PTP4A1: variants seen among roughly 807,000 people sequenced by gnomAD.
PTP4A1 encodes protein tyrosine phosphatase 4A1.
A neutral mutation model predicts 20.5 loss-of-function variants in PTP4A1; 9 were observed. The ratio of observed to expected loss-of-function variants is 0.44; its 90% CI spans 0.26 to 0.77. The LOEUF is 0.77. Among genes scored for constraint, PTP4A1 ranks in the 30% least tolerant of loss-of-function variants. The probability of loss-of-function intolerance (pLI) is 0.19; values close to 1 mark genes in which losing one functional copy is unlikely to be tolerated. For synonymous variants in PTP4A1, 78 were observed against 67.4 expected (o/e 1.16, Z -0.77); for missense variants, 137 against 218.8 (o/e 0.63, Z 2.36).
chr6:63,578,603 A>G lies in PTP4A1; in HGVS notation c.198+74A>G, dbSNP rs531058869. On this transcript the variant is annotated intron_variant, in intron 3 of 5. Transcript: ENST00000626021. Reference sequence around the variant, plus strand: ...TTTATTCAAATAGTAAATTCAAATAAATATCTATTTAAGTCATAAATAGAC... The same window carrying G: ...TTTATTCAAATAGTAAATTCAAATAGATATCTATTTAAGTCATAAATAGAC... 8.6e-5 allele frequency: 132 copies of G among 1,530,332 alleles called. 1 individual carries two copies. The African/African-American group carries it at 1.5e-3, about 17-fold the overall frequency. 94.8% of individuals were successfully genotyped at this position (1,530,332 alleles called of 1,614,324 possible).
At chr6:63,552,562 G>T (rs2149490971) in intron 3 of PTP4A1, among the ~76,000 whole-genome samples, 1 of 152,198 alleles carries the variant, frequency 6.6e-6, no homozygotes, top group Non-Finnish European at 1.5e-5. Flanking sequence ...GTTAATTTTG[G>T]CTTTTGTTGC....
chr6:63,582,182 C>G lies in PTP4A1; in HGVS notation c.*2008C>G, dbSNP rs1778280109. On this transcript the variant is annotated 3_prime_UTR_variant, in exon 6 of 6. Transcript: ENST00000626021. ...CACAAATTTTTGGCTAATTTTTAAC[C>G]TGAGGTTTTGTTTTTTTTTTAAAGG... 1 of 151,510 alleles carries G rather than the reference C, an allele frequency of 6.6e-6. No individual in the cohort carries two copies. The highest frequency in any genetic ancestry group is 6.6e-5 in the Admixed American group (1 of 15,218). The allele number at this position is 151,510 out of a possible 1,614,324, so 9.4% of individuals were successfully genotyped here. A position where few individuals can be genotyped will look rare whatever the true frequency, so the allele number is the denominator to read the frequency against.
intron 1 of PTP4A1, among the ~76,000 whole-genome samples, chr6:63,572,977 C>T (rs1477408370): frequency 1.3e-5 from 2 of 152,108 alleles, no homozygotes; most frequent in Admixed American, 6.5e-5. Flanking sequence ...TTGAGTCCCT[C>T]CCGAGCCCGG....
At position 63,565,614 on chromosome 6, in the gene PTP4A1, C is replaced by G. The variant is rs139689318; in HGVS notation, c.-445-10822C>G. Among the ~76,000 whole-genome samples the G allele has an allele frequency of 5.3e-3, 811 of 152,242 alleles. 3 individuals are homozygous for G. Among genetic ancestry groups the G allele is most frequent in the Middle Eastern group, 0.01 (3 of 294 alleles). Reference sequence around the variant, plus strand: ...TACCCTCCTAGGTGGGTGACTGTTTCTATATGTCTGACTCAACAAAACACA... The same window carrying G: ...TACCCTCCTAGGTGGGTGACTGTTTGTATATGTCTGACTCAACAAAACACA... On this transcript the variant is annotated intron_variant, in intron 3 of 3. Coordinates refer to the PTP4A1 transcript ENST00000639568.
At chr6:63,519,285 T>A (rs1385294244), upstream of PTP4A1, among the ~76,000 whole-genome samples, 1 of 151,704 alleles carries the variant, frequency 6.6e-6, no homozygotes, top group Non-Finnish European at 1.5e-5. Flanking sequence ...CCAGCCTGGG[T>A]GACAAAGGCG....
intron 1 of PTP4A1, among the ~76,000 whole-genome samples, chr6:63,527,284 A>G (rs1775230144): frequency 6.6e-6 from 1 of 152,170 alleles, no homozygotes; most frequent in African/African-American, 2.4e-5. Context: ...TCTATGTTCA[A>G]TCTTTCCTCC....
chr6:63,552,903 C>T (rs531649010), intron 3 of PTP4A1, among the ~76,000 whole-genome samples: 51 of 152,226 alleles, frequency 3.4e-4, no homozygotes, highest in Admixed American at 1.6e-3. Flanking sequence ...GTACCAGTAC[C>T]GTGCTGTTTT....
intron 2 of PTP4A1, among the ~76,000 whole-genome samples, chr6:63,547,550 G>A (rs1275641461): frequency 6.6e-5 from 9 of 136,358 alleles, no homozygotes; most frequent in Admixed American, 1.6e-4. Flanking sequence ...CTGTCGCCCA[G>A]GCTGGAGTGC....
At chr6:63,556,102 T>G (rs1776675424) in intron 3 of PTP4A1, among the ~76,000 whole-genome samples, 1 of 152,196 alleles carries the variant, frequency 6.6e-6, no homozygotes, top group Admixed American at 6.5e-5. Context: ...AGTTCACATT[T>G]TGCAAATCTA....
At chr6:63,557,520 C>T (rs1477813487) in intron 3 of PTP4A1, among the ~76,000 whole-genome samples, 3 of 152,080 alleles carry the variant, frequency 2.0e-5, no homozygotes, top group Non-Finnish European at 2.9e-5. Context: ...GAGTCGAGAT[C>T]GCACCACTAC....
intron 3 of PTP4A1, among the ~76,000 whole-genome samples, chr6:63,551,070 G>T (rs1353909400): frequency 6.7e-6 from 1 of 149,564 alleles, no homozygotes; most frequent in African/African-American, 2.5e-5. Flanking sequence ...GTAATTTGTT[G>T]TTGCTGTTGT....
At chr6:63,550,852 C>CT (rs1776407277) in intron 3 of PTP4A1, among the ~76,000 whole-genome samples, 1 of 152,158 alleles carries the variant, frequency 6.6e-6, no homozygotes, top group Admixed American at 6.6e-5. Context: ...TCTCAAACTA[C>CT]TGACCTCAGG....
rs1054696712 is a variant in PTP4A1, at chr6:63,572,520, T to G, written c.-645T>G. On this transcript the variant is annotated 5_prime_UTR_variant, in exon 1 of 6. Transcript: ENST00000626021. ...TTGGCTCCTTCGGCTGCGGGCCGGC[T>G]CGGCTACGCGCTCTGCTCCGAGCCG... 2.6e-6 allele frequency: 1 copy of G among 391,756 alleles called. No individual in the cohort carries two copies. Among genetic ancestry groups the G allele is most frequent in the Non-Finnish European group, 4.5e-6 (1 of 221,688 alleles). 24.3% of individuals were successfully genotyped at this position (391,756 alleles called of 1,614,324 possible).
chr6:63,527,675 G>A (rs904083400), intron 1 of PTP4A1: 4 of 152,142 alleles, frequency 2.6e-5, no homozygotes, highest in African/African-American at 9.7e-5. Flanking sequence ...CCATGTCCAA[G>A]GTCACGTAAT....
chr6:63,570,108 G>T (rs903953418), upstream of PTP4A1, among the ~76,000 whole-genome samples: 1 of 152,174 alleles, frequency 6.6e-6, no homozygotes, highest in Non-Finnish European at 1.5e-5. Context: ...GGAGACTGAG[G>T]CAGGCAGATC....
At chr6:63,574,378 C>G (rs532967371) in intron 1 of PTP4A1, among the ~76,000 whole-genome samples, 1 of 152,036 alleles carries the variant, frequency 6.6e-6, no homozygotes, top group South Asian at 2.1e-4. Flanking sequence ...GGAAAAAATC[C>G]CCATTATGGA....
rs182754151 is a variant in PTP4A1, at chr6:63,563,438, C to T, written c.-446+12945C>T. Among the ~76,000 whole-genome samples, 104 of 152,318 alleles carry T rather than the reference C, an allele frequency of 6.8e-4. 1 individual carries two copies. Among genetic ancestry groups the T allele is most frequent in the Admixed American group, 1.6e-3 (24 of 15,294 alleles). Reference sequence around the variant, plus strand: ...ACCAAAAATATCTCTCTTCCTCCCCCTCTTTTTGTGATTCATTCTCATCAT... The same window carrying T: ...ACCAAAAATATCTCTCTTCCTCCCCTTCTTTTTGTGATTCATTCTCATCAT... On this transcript the variant is annotated intron_variant, in intron 3 of 3. Transcript: ENST00000639568.
rs1371972960 is a variant in PTP4A1 at position 63,582,804 on chromosome 6, T to G, written c.*2630T>G. On this transcript the variant is annotated 3_prime_UTR_variant, in exon 6 of 6. Coordinates refer to ENST00000626021, the MANE Select transcript of PTP4A1 (RefSeq NM_003463.5). ...TTCTGCAGTGCACTGCAACCATTGT[T>G]TCCCCTAGTGCCCTCTTTTCCCTAG... The G allele has an allele frequency of 6.6e-6, 1 of 152,172 alleles. No homozygotes were observed. Among genetic ancestry groups the G allele is most frequent in the African/African-American group, 2.4e-5 (1 of 41,414 alleles). The allele number at this position is 152,172 out of a possible 1,614,324, so 9.4% of individuals were successfully genotyped here. A position where few individuals can be genotyped will look rare whatever the true frequency, so the allele number is the denominator to read the frequency against.
At chr6:63,526,829 A>T (rs868279614) in intron 1 of PTP4A1, among the ~76,000 whole-genome samples, 12 of 139,978 alleles carry the variant, frequency 8.6e-5, no homozygotes, top group South Asian at 4.3e-4. Flanking sequence ...ATATATATAT[A>T]TATATATTTA....
Sources: gnomAD v4.1 joint callset for allele counts (sites outside exome capture counted in the v4.1 genomes callset) on GRCh38, gnomAD v4.1.1 for gene constraint, MANE v1.5 for transcripts, NCBI Gene and HGNC (gene_info 2026-07-23, HGNC 2026-07-21) for gene names.